Variants in STPG2 observed in about 807,000 individuals in gnomAD.
STPG2 encodes sperm-tail PG-rich repeat-containing protein 2.
A neutral mutation model predicts 54.2 loss-of-function variants in STPG2; 56 were observed. That is an observed-to-expected ratio of 1.03 (90% CI 0.83 to 1.29). The LOEUF is 1.29. Ranked by LOEUF, STPG2 falls within the 50% of genes most tolerant of loss-of-function variation. The pLI is 0.00. For missense variants in STPG2, 596 were observed against 544.9 expected, an observed-to-expected ratio of 1.09 and a Z score of -0.93; for synonymous variants, 200 against 181.8, an observed-to-expected ratio of 1.10 and a Z score of -0.81.
At chr4:97,549,080 G>T (rs1036121265) in intron 4 of STPG2, among the ~76,000 whole-genome samples, 11 of 36,298 alleles carry the variant, frequency 3.0e-4, no homozygotes, top group African/African-American at 2.8e-3. Context: ...AATGAGTTCA[G>T]ACATGGTATT....
chr4:97,832,810 G>A (rs1429492002), intron 9 of STPG2, among the ~76,000 whole-genome samples: 1 of 152,156 alleles, frequency 6.6e-6, no homozygotes, highest in African/African-American at 2.4e-5. Context: ...CAAGAAATGT[G>A]AAGGACTTCT....
chr4:97,719,493 C>A (rs1473525163), intron 9 of STPG2, among the ~76,000 whole-genome samples: 2 of 151,916 alleles, frequency 1.3e-5, no homozygotes, highest in Non-Finnish European at 2.9e-5. Flanking sequence ...TCAATAAAAC[C>A]CATTGGTTTT....
intron 9 of STPG2, among the ~76,000 whole-genome samples, chr4:97,838,819 A>C (rs1430634191): frequency 6.6e-6 from 1 of 151,566 alleles, no homozygotes; most frequent in Non-Finnish European, 1.5e-5. Flanking sequence ...AAAATTTCAT[A>C]TATCATGGTA....
intron 8 of STPG2, among the ~76,000 whole-genome samples, chr4:97,943,665 C>G (rs949411768): frequency 2.6e-5 from 4 of 152,154 alleles, no homozygotes; most frequent in Non-Finnish European, 4.4e-5. Flanking sequence ...TGAATGTTCT[C>G]TGACCCTACA....
intron 10 of STPG2, among the ~76,000 whole-genome samples, chr4:97,617,985 T>C (rs928907596): frequency 2.0e-5 from 3 of 152,188 alleles, no homozygotes; most frequent in Non-Finnish European, 4.4e-5. Context: ...TCTAGACTTA[T>C]CAACCAAAGT....
chr4:98,100,851 T>C (rs1260919758), intron 5 of STPG2, among the ~76,000 whole-genome samples: 1 of 151,826 alleles, frequency 6.6e-6, no homozygotes, highest in Non-Finnish European at 1.5e-5. Flanking sequence ...AATTTTTGTA[T>C]TTTTAGTAGA....
At chr4:97,892,914 T>TATA in intron 8 of STPG2, 1 of 152,156 alleles carries the variant, frequency 6.6e-6, no homozygotes, top group Non-Finnish European at 1.5e-5. Context: ...CACTCTCAAA[T>TATA]TCTTTTGTAC....
At chr4:97,837,422 G>A (rs1197311830) in intron 9 of STPG2, among the ~76,000 whole-genome samples, 1 of 151,538 alleles carries the variant, frequency 6.6e-6, no homozygotes, top group African/African-American at 2.4e-5. Flanking sequence ...CCCAACCCAT[G>A]ACTAAAAACA....
At chr4:97,735,373 T>G (rs551470980) in intron 9 of STPG2, among the ~76,000 whole-genome samples, 2 of 150,804 alleles carry the variant, frequency 1.3e-5, no homozygotes, top group South Asian at 4.2e-4. Context: ...TCAAATAGAG[T>G]GATACAATGT....
intron 8 of STPG2, among the ~76,000 whole-genome samples, chr4:97,843,977 G>A (rs181969537): frequency 7.9e-5 from 12 of 151,814 alleles, no homozygotes; most frequent in African/African-American, 2.2e-4. Flanking sequence ...CCAACTGAAT[G>A]AAATTGGAAA....
intron 8 of STPG2, among the ~76,000 whole-genome samples, chr4:97,858,735 CTTT>C (rs1465731473): frequency 6.6e-6 from 1 of 152,134 alleles, no homozygotes; most frequent in Non-Finnish European, 1.5e-5. Flanking sequence ...TATTTCATTT[CTTT>C]TCATTGCTGA....
At chr4:97,793,333 G>A (rs1478021668) in intron 9 of STPG2, among the ~76,000 whole-genome samples, 1 of 150,182 alleles carries the variant, frequency 6.7e-6, no homozygotes. Flanking sequence ...CACCATGAAA[G>A]CAGGGATTTA....
chr4:97,543,539 C>A (rs1731767523), intron 4 of STPG2, among the ~76,000 whole-genome samples: 1 of 151,704 alleles, frequency 6.6e-6, no homozygotes, highest in Non-Finnish European at 1.5e-5. Context: ...AGAAACACGC[C>A]AAACAATTAA....
chr4:97,976,941 A>G (rs915840521), intron 6 of STPG2, among the ~76,000 whole-genome samples: 5 of 152,164 alleles, frequency 3.3e-5, no homozygotes, highest in African/African-American at 1.2e-4. Context: ...CAGATTCATG[A>G]TATATAAATA....
At chr4:97,901,880 T>C (rs1731189425) in intron 8 of STPG2, among the ~76,000 whole-genome samples, 1 of 151,968 alleles carries the variant, frequency 6.6e-6, no homozygotes, top group South Asian at 2.1e-4. Flanking sequence ...AAGGACAAAG[T>C]TGCAGGCATA....
intron 9 of STPG2, among the ~76,000 whole-genome samples, chr4:97,816,743 CCTTT>C (rs149019077): frequency 0.13 from 19,329 of 150,600 alleles, 1,916 homozygotes; most frequent in African/African-American, 0.27. Flanking sequence ...TCTTTCTCTA[CCTTT>C]CTTTCTTTCT....
Position 97,903,932 on chromosome 4 carries a change from C to G in STPG2, c.1044+39965G>C, listed in dbSNP as rs191501180. Among the ~76,000 whole-genome samples, 657 of 152,336 alleles carry G rather than the reference C, an allele frequency of 4.3e-3. 3 individuals are homozygous for G. Among genetic ancestry groups the G allele is most frequent in the South Asian group, 0.024 (116 of 4,828 alleles). On this transcript the variant is annotated intron_variant, in intron 8 of 10. Coordinates refer to ENST00000295268, the MANE Select transcript of STPG2 (RefSeq NM_174952.3). ...CGCACCACGAGATTATATTCCGCAC[C>G]TGGCTCAGAGAGTCCTACGCCCACA... is the stretch of plus-strand genomic sequence containing the variant.
chr4:98,077,197 C>T (rs1738193401), intron 5 of STPG2, among the ~76,000 whole-genome samples: 1 of 151,816 alleles, frequency 6.6e-6, no homozygotes, highest in African/African-American at 2.4e-5. Context: ...ATGTAATCCA[C>T]ATAAAGTTCT....
chr4:97,875,728 C>T (rs1358597992), intron 8 of STPG2, among the ~76,000 whole-genome samples: 1 of 151,682 alleles, frequency 6.6e-6, no homozygotes, highest in Non-Finnish European at 1.5e-5. Flanking sequence ...AATTAGTATG[C>T]AAATATTAAG....
Sources: gnomAD v4.1 joint callset for allele counts (sites outside exome capture counted in the v4.1 genomes callset) on GRCh38, gnomAD v4.1.1 for gene constraint, MANE v1.5 for transcripts, NCBI Gene and HGNC (gene_info 2026-07-23, HGNC 2026-07-21) for gene names.